Variants in PTPRG observed in about 807,000 individuals in gnomAD.
PTPRG encodes the protein protein tyrosine phosphatase receptor type G, also known as receptor-type tyrosine-protein phosphatase gamma.
A neutral mutation model predicts 165.3 loss-of-function variants in PTPRG; 102 were observed. The ratio of observed to expected loss-of-function variants is 0.62; its 90% CI spans 0.53 to 0.73. PTPRG has a LOEUF of 0.73. Ranked by LOEUF, PTPRG falls within the 30% of genes least tolerant of loss-of-function variation. PTPRG has a pLI of 0.00. For synonymous variants in PTPRG, 675 were observed against 669.5 expected, an observed-to-expected ratio of 1.01 and a Z score of -0.13; for missense variants, 1,866 against 1,861.4, an observed-to-expected ratio of 1.00 and a Z score of -0.05.
intron 1 of PTPRG, among the ~76,000 whole-genome samples, chr3:61,725,435 A>G (rs369544301): frequency 2.6e-5 from 4 of 152,222 alleles, no homozygotes; most frequent in South Asian, 2.1e-4. Flanking sequence ...TGGATGTCCA[A>G]TTGCTCCAGC....
chr3:62,266,855 A>G (rs1701892052), intron 17 of PTPRG, among the ~76,000 whole-genome samples: 1 of 148,686 alleles, frequency 6.7e-6, no homozygotes, highest in African/African-American at 2.5e-5. Context: ...CCTACCCCCA[A>G]CTTTTGTTCA....
At chr3:61,690,580 T>A (rs2030135252) in intron 1 of PTPRG, among the ~76,000 whole-genome samples, 1 of 152,220 alleles carries the variant, frequency 6.6e-6, no homozygotes, top group Non-Finnish European at 1.5e-5. Context: ...ACACTCATTG[T>A]GTTTTTGCTC....
chr3:61,757,652 A>G (rs2033675103), intron 2 of PTPRG, among the ~76,000 whole-genome samples: 1 of 152,226 alleles, frequency 6.6e-6, no homozygotes. Context: ...AGCCAAAGAT[A>G]AGGTCAATAT....
chr3:62,270,511 G>A (rs1389205025), intron 20 of PTPRG, among the ~76,000 whole-genome samples: 1 of 152,072 alleles, frequency 6.6e-6, no homozygotes, highest in Non-Finnish European at 1.5e-5. Flanking sequence ...TTTAAACAGG[G>A]CCCACTTACT....
chr3:62,158,491 G>A lies in PTPRG; in HGVS notation c.840+1267G>A, dbSNP rs554091288. 4.9e-4 allele frequency among the ~76,000 whole-genome samples: 74 copies of A among 152,296 alleles called. 1 individual carries two copies. The highest frequency in any genetic ancestry group is 9.1e-4 in the Non-Finnish European group (62 of 68,026). ...GTTGACCTTCTGGGTCTTATGTCAA[G>A]TATTCCAGTAGGTGGGTCTGAATAG... On this transcript the variant is annotated intron_variant, in intron 7 of 29. Transcript: ENST00000474889.
chr3:61,970,720 C>G (rs1241867925), intron 2 of PTPRG, among the ~76,000 whole-genome samples: 1 of 152,052 alleles, frequency 6.6e-6, no homozygotes, highest in Non-Finnish European at 1.5e-5. Flanking sequence ...TCTAGATCTG[C>G]ATCTTAAAGT....
Position 62,285,524 on chromosome 3 carries a change from T to TGG in PTPRG, c.4055+2666_4055+2667dup, listed in dbSNP as rs67228745. Among the ~76,000 whole-genome samples the TGG allele has an allele frequency of 8.5e-3, 332 of 39,250 alleles. 2 individuals are homozygous for TGG. Among genetic ancestry groups the TGG allele is most frequent in the East Asian group, 0.03 (36 of 1,216 alleles). The allele number at this position is 39,250 out of a possible 152,430, so 25.7% of individuals were successfully genotyped here. On this transcript the variant is annotated intron_variant, in intron 28 of 29. Coordinates refer to ENST00000474889, the MANE Select transcript of PTPRG (RefSeq NM_002841.4). ...ACTTTTGGGGGTGGCAGGTGGTTGTTGGGGGGGGGGGGTCTCAGGTGTGTC... is the reference window on the plus strand; with the variant it reads ...ACTTTTGGGGGTGGCAGGTGGTTGTTGGGGGGGGGGGGGGTCTCAGGTGTGTC...
At chr3:61,571,311 G>A in intron 1 of PTPRG, among the ~76,000 whole-genome samples, 1 of 152,116 alleles carries the variant, frequency 6.6e-6, no homozygotes, top group East Asian at 1.9e-4. Flanking sequence ...TCATTGCTCA[G>A]GATTTTTTTT....
intron 5 of PTPRG, among the ~76,000 whole-genome samples, chr3:62,097,831 G>T (rs1475815607): frequency 6.6e-6 from 1 of 152,204 alleles, no homozygotes; most frequent in South Asian, 2.1e-4. Flanking sequence ...ACATTATCTC[G>T]TGAAGCACTT....
intron 5 of PTPRG, among the ~76,000 whole-genome samples, chr3:62,097,662 G>A (rs1702161545): frequency 6.6e-6 from 1 of 152,184 alleles, no homozygotes; most frequent in South Asian, 2.1e-4. Flanking sequence ...TCTGTATCTA[G>A]CATACTTATA....
chr3:62,285,900 C>T (rs76062710), intron 28 of PTPRG, among the ~76,000 whole-genome samples: 1 of 152,114 alleles, frequency 6.6e-6, no homozygotes, highest in Non-Finnish European at 1.5e-5. Context: ...ACATGTATCA[C>T]CCTACTGGAT....
intron 4 of PTPRG, among the ~76,000 whole-genome samples, chr3:62,074,013 A>G (rs994416856): frequency 2.6e-5 from 4 of 152,220 alleles, no homozygotes; most frequent in Non-Finnish European, 5.9e-5. Context: ...TGGTCTGTGA[A>G]TTAGATAATA....
At chr3:62,279,924 T>C (rs553400374) in intron 26 of PTPRG, among the ~76,000 whole-genome samples, 11 of 152,168 alleles carry the variant, frequency 7.2e-5, no homozygotes, top group Non-Finnish European at 1.3e-4. Flanking sequence ...AAACTACAGT[T>C]TGCCATTGGA....
chr3:61,641,568 T>C (rs1290984361), intron 1 of PTPRG, among the ~76,000 whole-genome samples: 1 of 152,206 alleles, frequency 6.6e-6, no homozygotes, highest in Non-Finnish European at 1.5e-5. Flanking sequence ...TTTAGGTAAA[T>C]GTTTCCAATT....
At chr3:62,069,973 C>G (rs541561753) in intron 4 of PTPRG, among the ~76,000 whole-genome samples, 10 of 152,202 alleles carry the variant, frequency 6.6e-5, no homozygotes, top group African/African-American at 2.2e-4. Flanking sequence ...GTAAAAAATA[C>G]TTTCACAAAA....
At chr3:61,841,318 C>T (rs915780774) in intron 2 of PTPRG, among the ~76,000 whole-genome samples, 8 of 152,126 alleles carry the variant, frequency 5.3e-5, no homozygotes, top group Non-Finnish European at 8.8e-5. Context: ...TCAGTTAAAG[C>T]GAGGCGGCCA....
rs115856079 is a variant in PTPRG at position 61,925,880 on chromosome 3, G to C, written c.191-63745G>C. On this transcript the variant is annotated intron_variant, in intron 2 of 29. Coordinates refer to ENST00000474889, the MANE Select transcript of PTPRG (RefSeq NM_002841.4). ...TATTCCTTGGGATGAATACATTACT[G>C]TTCCAACAAAATCCCTGTTGATGAG... is the stretch of plus-strand genomic sequence containing the variant. The C allele has an allele frequency of 3.3e-3, 1,623 of 496,894 alleles. 19 individuals are homozygous for C. The highest frequency in any genetic ancestry group is 0.029 in the African/African-American group (1,511 of 51,838). 30.8% of individuals were successfully genotyped at this position (496,894 alleles called of 1,614,324 possible).
At chr3:61,971,978 G>C (rs1037858560) in intron 2 of PTPRG, among the ~76,000 whole-genome samples, 1 of 152,354 alleles carries the variant, frequency 6.6e-6, no homozygotes, top group Non-Finnish European at 1.5e-5. Flanking sequence ...GCCCATCGCT[G>C]TCATTTTAGA....
In PTPRG at chr3:62,139,536, G is replaced by A. The variant is rs571097738; in HGVS notation, c.682+6868G>A. Reference sequence around the variant, plus strand: ...AATCTTCTGCTGGTCAGAGCTAGACGGCTGCTCTCTCTCGGTCTTCCCTTC... The same window carrying A: ...AATCTTCTGCTGGTCAGAGCTAGACAGCTGCTCTCTCTCGGTCTTCCCTTC... On this transcript the variant is annotated intron_variant, in intron 6 of 29. Transcript: ENST00000474889. 9.2e-5 allele frequency among the ~76,000 whole-genome samples: 14 copies of A among 152,280 alleles called. No homozygotes were observed. In the South Asian group the frequency reaches 2.7e-3, roughly 29 times the overall value.
Sources: gnomAD v4.1 joint callset for allele counts (sites outside exome capture counted in the v4.1 genomes callset) on GRCh38, gnomAD v4.1.1 for gene constraint, MANE v1.5 for transcripts, NCBI Gene and HGNC (gene_info 2026-07-23, HGNC 2026-07-21) for gene names.